The following PRELID2 variants were observed in gnomAD, a reference collection of about 807,000 sequenced individuals.
PRELID2 encodes the protein PRELI domain containing 2.
In PRELID2, 25 loss-of-function variants were observed where a neutral mutation model predicts 28.4. That is an observed-to-expected ratio of 0.88 (90% CI 0.64 to 1.23). PRELID2 has a LOEUF of 1.23. Ranked by LOEUF, PRELID2 falls within the 50% of genes most tolerant of loss-of-function variation. PRELID2 has a pLI of 0.00. For synonymous variants in PRELID2, 76 were observed against 71.6 expected (o/e 1.06, Z -0.31); for missense variants, 201 against 214.4 (o/e 0.94, Z 0.39).
intron 5 of PRELID2, among the ~76,000 whole-genome samples, chr5:145,773,823 C>G (rs543164950): frequency 1.3e-5 from 2 of 152,350 alleles, no homozygotes; most frequent in East Asian, 3.9e-4. Context: ...TGGTTAGCAG[C>G]ATGCTTGTAC....
the PRELID2 span, among the ~76,000 whole-genome samples, chr5:145,386,006 C>T: frequency 6.6e-6 from 1 of 151,834 alleles, no homozygotes; most frequent in Non-Finnish European, 1.5e-5. Flanking sequence ...ATCATGGGGG[C>T]TGTATTAGTC....
At chr5:145,692,363 T>TAC (rs57331963) in intron 1 of PRELID2, among the ~76,000 whole-genome samples, 20 of 150,866 alleles carry the variant, frequency 1.3e-4, no homozygotes, top group Admixed American at 3.3e-4. Flanking sequence ...TACATGGAGG[T>TAC]ACACACACAC....
intron 5 of PRELID2, among the ~76,000 whole-genome samples, chr5:145,779,029 T>C (rs1402953973): frequency 6.6e-6 from 1 of 152,214 alleles, no homozygotes; most frequent in East Asian, 1.9e-4. Context: ...TATGACCTGT[T>C]ACTGTTACCT....
intron 1 of PRELID2, among the ~76,000 whole-genome samples, chr5:145,483,483 C>T (rs1387385354): frequency 6.6e-6 from 1 of 152,178 alleles, no homozygotes; most frequent in Non-Finnish European, 1.5e-5. Flanking sequence ...TAGTCTAGTC[C>T]AGACCAGAAG....
the PRELID2 span, among the ~76,000 whole-genome samples, chr5:145,328,673 TA>T: frequency 9.9e-3 from 1,504 of 152,252 alleles, 20 homozygotes; most frequent in African/African-American, 0.033. Context: ...TTCTCGGTAT[TA>T]GCCCTTTGTC....
the PRELID2 span, chr5:145,450,874 A>T: frequency 6.6e-6 from 1 of 152,162 alleles, no homozygotes; most frequent in African/African-American, 2.4e-5. Context: ...TGGCAACAAC[A>T]TTTATGGTAA....
chr5:145,682,215 A>T (rs1041937096), intron 1 of PRELID2, among the ~76,000 whole-genome samples: 6 of 152,232 alleles, frequency 3.9e-5, no homozygotes, highest in Admixed American at 1.3e-4. Context: ...CCACAAAGAG[A>T]AAAATAATCT....
chr5:145,819,144 A>C (rs1463270704), intron 3 of PRELID2, among the ~76,000 whole-genome samples: 2 of 152,334 alleles, frequency 1.3e-5, no homozygotes, highest in African/African-American at 4.8e-5. Context: ...CTGTGAGTCC[A>C]TTAAAACTCT....
intron 1 of PRELID2, among the ~76,000 whole-genome samples, chr5:145,751,030 T>C (rs966736040): frequency 2.0e-5 from 3 of 152,194 alleles, no homozygotes; most frequent in Admixed American, 1.3e-4. Flanking sequence ...ACTGGTATGT[T>C]ACAAGCATTA....
chr5:145,303,237 G>A, the PRELID2 span, among the ~76,000 whole-genome samples: 20 of 152,254 alleles, frequency 1.3e-4, no homozygotes, highest in South Asian at 4.1e-3. Context: ...GATAGCGCTG[G>A]AAGCTTGTTT....
At chr5:145,823,779 T>G in intron 1 of PRELID2, among the ~76,000 whole-genome samples, 1 of 152,200 alleles carries the variant, frequency 6.6e-6, no homozygotes, top group Admixed American at 6.5e-5. Flanking sequence ...GTTAATTTAA[T>G]TCCCCTGAAA....
At chr5:145,555,561 C>A (rs1000616605) in intron 1 of PRELID2, among the ~76,000 whole-genome samples, 11 of 152,316 alleles carry the variant, frequency 7.2e-5, no homozygotes, top group African/African-American at 2.6e-4. Context: ...CACAGCCCAG[C>A]TGATTGGACC....
At chr5:145,403,650 T>G in the PRELID2 span, among the ~76,000 whole-genome samples, 1 of 152,222 alleles carries the variant, frequency 6.6e-6, no homozygotes, top group Admixed American at 6.5e-5. Context: ...GGAGCTATAC[T>G]AACACTTAAC....
intron 1 of PRELID2, among the ~76,000 whole-genome samples, chr5:145,651,644 A>G (rs1330683036): frequency 6.6e-6 from 1 of 152,204 alleles, no homozygotes; most frequent in African/African-American, 2.4e-5. Flanking sequence ...CCAGGCAAAC[A>G]GGGTCTGGAG....
At chr5:145,827,567 C>T (rs1755276539) in intron 1 of PRELID2, among the ~76,000 whole-genome samples, 1 of 152,106 alleles carries the variant, frequency 6.6e-6, no homozygotes, top group Non-Finnish European at 1.5e-5. Flanking sequence ...CAAACAAAGG[C>T]CAACCAACAG....
the PRELID2 span, among the ~76,000 whole-genome samples, chr5:145,434,898 G>A: frequency 2.0e-5 from 3 of 152,114 alleles, no homozygotes; most frequent in Admixed American, 2.0e-4. Flanking sequence ...TATGCAGTGG[G>A]GGAAGAAGAC....
chr5:145,833,284 G>A (rs1291501908), intron 1 of PRELID2, among the ~76,000 whole-genome samples: 1 of 152,198 alleles, frequency 6.6e-6, no homozygotes, highest in East Asian at 1.9e-4. Context: ...TGACACTGCA[G>A]ACGGTCAGCA....
intron 1 of PRELID2, among the ~76,000 whole-genome samples, chr5:145,494,444 A>C (rs1243855405): frequency 6.6e-6 from 1 of 152,228 alleles, no homozygotes; most frequent in Non-Finnish European, 1.5e-5. Context: ...TTCAACTTTA[A>C]GGTCAACATT....
chr5:145,825,683 C>T (rs562329911), intron 1 of PRELID2, among the ~76,000 whole-genome samples: 3 of 152,296 alleles, frequency 2.0e-5, no homozygotes, highest in Admixed American at 6.5e-5. Context: ...ACATTATAAA[C>T]TCAAATACTT....
Sources: allele counts gnomAD v4.1 joint callset (sites outside exome capture counted in the v4.1 genomes callset), GRCh38; gene constraint gnomAD v4.1.1; transcripts MANE v1.5; gene names NCBI Gene and HGNC (gene_info 2026-07-23, HGNC 2026-07-21).